The following ACBD6 variants were observed in gnomAD, a reference collection of about 807,000 sequenced individuals.
The protein encoded by ACBD6 is acyl-CoA-binding domain-containing protein 6.
ACBD6 carries 28 observed loss-of-function variants against 37.2 expected under a neutral mutation model. The observed-to-expected ratio is 0.75, with a 90% CI of 0.56 to 1.03. ACBD6 has a LOEUF of 1.03. Among genes scored for constraint, ACBD6 ranks in the 50% least tolerant of loss-of-function variants. ACBD6 has a pLI of 0.00. For missense variants in ACBD6, 340 were observed against 337.4 expected (o/e 1.01, Z -0.06); for synonymous variants, 113 against 126.8 (o/e 0.89, Z 0.73).
chr1:180,278,699 G>A (rs1649192312), intron 9 of ACBD6: 2 of 151,718 alleles, frequency 1.3e-5, no homozygotes, highest in Non-Finnish European at 2.9e-5. Context: ...GATTCCAGAA[G>A]TTGCTCTGAG....
chr1:180,421,299 G>A (rs1182123991), intron 4 of ACBD6, among the ~76,000 whole-genome samples: 1 of 152,142 alleles, frequency 6.6e-6, no homozygotes, highest in Non-Finnish European at 1.5e-5. Flanking sequence ...AGTTTACTAA[G>A]GACATTGGCT....
intron 6 of ACBD6, among the ~76,000 whole-genome samples, chr1:180,349,341 C>T (rs1466637236): frequency 7.9e-5 from 12 of 151,342 alleles, no homozygotes; most frequent in Non-Finnish European, 1.2e-4. Context: ...CTGCAAGCTC[C>T]GCCTCCCAGG....
At chr1:180,394,817 A>G (rs771738498) in intron 6 of ACBD6, among the ~76,000 whole-genome samples, 14 of 152,208 alleles carry the variant, frequency 9.2e-5, no homozygotes, top group Non-Finnish European at 1.9e-4. Flanking sequence ...CATAGGATAC[A>G]TATATCAATT....
At chr1:180,462,461 A>G (rs1650184721) in intron 3 of ACBD6, among the ~76,000 whole-genome samples, 1 of 152,186 alleles carries the variant, frequency 6.6e-6, no homozygotes, top group African/African-American at 2.4e-5. Flanking sequence ...CAGACTTTAA[A>G]TCATCAAGAT....
At chr1:180,331,154 T>C (rs1434050978) in intron 6 of ACBD6, among the ~76,000 whole-genome samples, 1 of 152,160 alleles carries the variant, frequency 6.6e-6, no homozygotes. Context: ...TAACAGTAGC[T>C]TCTAGGGTCA....
intron 7 of ACBD6, among the ~76,000 whole-genome samples, chr1:180,292,239 T>G (rs1649738449): frequency 6.6e-6 from 1 of 152,192 alleles, no homozygotes; most frequent in Non-Finnish European, 1.5e-5. Flanking sequence ...GGGACCCCGC[T>G]GAATCTATGA....
intron 7 of ACBD6, among the ~76,000 whole-genome samples, chr1:180,291,190 G>A (rs1379122701): frequency 6.6e-6 from 1 of 152,134 alleles, no homozygotes; most frequent in African/African-American, 2.4e-5. Context: ...ACGAACAGTT[G>A]GGTAAAGGTC....
rs1429116865 is a variant in ACBD6, at chr1:180,480,308, T to G, written c.384+11961A>C. ...AGCCTAGGCAAGAGATGATGATATA[T>G]TAAGAAAGAGGCAGTAGGGGTAGAA... On this transcript the variant is annotated intron_variant, in intron 3 of 7. Transcript: ENST00000367595. Among the ~76,000 whole-genome samples the G allele has an allele frequency of 2.0e-5, 3 of 152,064 alleles. No individual in the cohort carries two copies. The East Asian group carries it at 5.8e-4, about 29-fold the overall frequency.
intron 7 of ACBD6, among the ~76,000 whole-genome samples, chr1:180,289,586 T>A (rs1409372949): frequency 6.6e-6 from 1 of 152,206 alleles, no homozygotes; most frequent in East Asian, 1.9e-4. Context: ...TAATTCTACT[T>A]CTAGTTATAT....
downstream of ACBD6, among the ~76,000 whole-genome samples, chr1:180,285,870 T>C (rs567588535): frequency 3.9e-5 from 6 of 152,262 alleles, no homozygotes; most frequent in East Asian, 1.2e-3. Context: ...GTTACCCTTC[T>C]ACCTGACAAG....
exon 14 of ACBD6, chr1:180,271,350 A>G (rs1475958217): frequency 1.9e-6 from 3 of 1,613,990 alleles, no homozygotes; most frequent in Non-Finnish European, 2.5e-6. Flanking sequence ...AGATAGGCCG[A>G]AGCCAGTAAG....
At chr1:180,445,874 C>T (rs969996965) in intron 3 of ACBD6, among the ~76,000 whole-genome samples, 2 of 152,180 alleles carry the variant, frequency 1.3e-5, no homozygotes, top group Non-Finnish European at 2.9e-5. Context: ...TTGGGATTCA[C>T]ACCAAGATCC....
In ACBD6 at chr1:180,455,566, T is replaced by C. The variant is rs1209987134; in HGVS notation, c.385-25304A>G. ...AAACTTATTATCACTTTACAAAGAC[T>C]ACCTAAAAGTGAAAAAAAGTTCAGA... On this transcript the variant is annotated intron_variant, in intron 3 of 7. Coordinates refer to ENST00000367595, the MANE Select transcript of ACBD6 (RefSeq NM_032360.4). 4.6e-5 allele frequency among the ~76,000 whole-genome samples: 7 copies of C among 151,878 alleles called. No individual in the cohort carries two copies. In the East Asian group the frequency reaches 9.6e-4, roughly 21 times the overall value.
chr1:180,403,818 G>A (rs1385855430), intron 5 of ACBD6, among the ~76,000 whole-genome samples: 1 of 152,172 alleles, frequency 6.6e-6, no homozygotes, highest in Non-Finnish European at 1.5e-5. Context: ...AAATAAGCCA[G>A]TCAAAAGGGA....
chr1:180,313,707 C>T (rs1650682521), intron 7 of ACBD6, among the ~76,000 whole-genome samples: 1 of 152,090 alleles, frequency 6.6e-6, no homozygotes, highest in African/African-American at 2.4e-5. Context: ...CAAATAGAAT[C>T]TTTTTTCTTT....
chr1:180,452,180 A>T (rs1649733393), intron 3 of ACBD6, among the ~76,000 whole-genome samples: 1 of 152,168 alleles, frequency 6.6e-6, no homozygotes. Flanking sequence ...CCCTAACATC[A>T]CAATTAAAAC....
intron 3 of ACBD6, among the ~76,000 whole-genome samples, chr1:180,440,372 G>A (rs1163857379): frequency 1.3e-5 from 2 of 152,182 alleles, no homozygotes; most frequent in Non-Finnish European, 2.9e-5. Context: ...GCCTCCCAAA[G>A]TATTGGGATT....
chr1:180,293,957 C>T (rs537218522), intron 7 of ACBD6, among the ~76,000 whole-genome samples: 105 of 152,018 alleles, frequency 6.9e-4, no homozygotes, highest in South Asian at 3.7e-3. Flanking sequence ...TGCAGTGGCA[C>T]GATCTTGGCT....
chr1:180,381,598 C>T (rs890356400), intron 6 of ACBD6, among the ~76,000 whole-genome samples: 5 of 152,132 alleles, frequency 3.3e-5, no homozygotes, highest in Middle Eastern at 3.4e-3. Flanking sequence ...GGAAATTAGA[C>T]AACATGCTCC....
Sources: gnomAD v4.1 joint callset for allele counts (sites outside exome capture counted in the v4.1 genomes callset) on GRCh38, gnomAD v4.1.1 for gene constraint, MANE v1.5 for transcripts, NCBI Gene and HGNC (gene_info 2026-07-23, HGNC 2026-07-21) for gene names.